The following ATP8A1 variants were observed in gnomAD, a reference collection of about 807,000 sequenced individuals.
ATP8A1 encodes the protein ATPase phospholipid transporting 8A1, also known as phospholipid-transporting ATPase IA.
In ATP8A1, 90 loss-of-function variants were observed where a neutral mutation model predicts 177.7. The observed-to-expected ratio is 0.51, with a 90% CI of 0.43 to 0.60. The LOEUF is 0.60. Ranked by LOEUF, ATP8A1 falls within the 20% of genes least tolerant of loss-of-function variation. ATP8A1 has a pLI of 0.00. For missense variants in ATP8A1, 1,072 were observed against 1,392.8 expected (o/e 0.77, Z 3.67); for synonymous variants, 493 against 485.9 (o/e 1.01, Z -0.19).
intron 5 of ATP8A1, among the ~76,000 whole-genome samples, chr4:42,606,567 A>T (rs560245952): frequency 1.3e-5 from 2 of 152,142 alleles, no homozygotes; most frequent in African/African-American, 4.8e-5. Context: ...ATTATAAATC[A>T]CCAGCTAGTC....
chr4:42,489,316 T>C (rs927193385), intron 24 of ATP8A1, among the ~76,000 whole-genome samples: 2 of 152,078 alleles, frequency 1.3e-5, no homozygotes, highest in Non-Finnish European at 2.9e-5. Context: ...TGAACCAACA[T>C]AGGGTATGCA....
chr4:42,564,918 A>G (rs1470299321), intron 15 of ATP8A1, among the ~76,000 whole-genome samples: 2 of 152,130 alleles, frequency 1.3e-5, no homozygotes, highest in African/African-American at 2.4e-5. Flanking sequence ...GAGGTAATTG[A>G]ATCATGGGGA....
At chr4:42,514,528 CAT>C (rs908698111) in intron 22 of ATP8A1, among the ~76,000 whole-genome samples, 4 of 152,140 alleles carry the variant, frequency 2.6e-5, no homozygotes, top group Non-Finnish European at 5.9e-5. Context: ...GAATACAGTA[CAT>C]AGAGTACATA....
intron 9 of ATP8A1, 103 bp downstream of exon 9, chr4:42,586,246 A>G (rs1733601909): frequency 7.2e-7 from 1 of 1,390,680 alleles, no homozygotes. Context: ...TGAGGACTCA[A>G]ACTTAGCACA....
At chr4:42,452,466 C>T (rs1718031096) in intron 29 of ATP8A1, among the ~76,000 whole-genome samples, 1 of 152,114 alleles carries the variant, frequency 6.6e-6, no homozygotes, top group South Asian at 2.1e-4. Context: ...TAACTGTAAG[C>T]TTTCCAATGC....
rs549689467 is a variant in ATP8A1, at chr4:42,414,631, C to T, written c.3393G>A (p.Leu1131=). 17 of 1,613,250 alleles carry T rather than the reference C, an allele frequency of 1.1e-5. No homozygotes were observed. The South Asian group carries it at 1.3e-4, about 13-fold the overall frequency. ...LYRSESLQQN[L]LHGYAFSQDE... ...ATAAGAAACTCAAATACTCACGGAG[C>T]AGATTTTGTTGCAAGGATTCAGAGC... The change falls in exon 36 of 37, where the codon CTG becomes CTA. Residue 1131 remains leucine, a synonymous_variant. Coordinates refer to ENST00000381668, the MANE Select transcript of ATP8A1 (RefSeq NM_006095.2).
intron 24 of ATP8A1, among the ~76,000 whole-genome samples, chr4:42,501,326 T>C (rs546877096): frequency 1.3e-5 from 2 of 152,380 alleles, no homozygotes; most frequent in African/African-American, 4.8e-5. Context: ...GTGCTAACTA[T>C]GCTAATCCTA....
At chr4:42,510,330 A>G (rs776011296) in intron 22 of ATP8A1, among the ~76,000 whole-genome samples, 9 of 152,224 alleles carry the variant, frequency 5.9e-5, no homozygotes, top group Non-Finnish European at 1.2e-4. Flanking sequence ...AAGAAGTTCA[A>G]GCAAGGAAAG....
chr4:42,460,302 A>G (rs140110255), intron 27 of ATP8A1, among the ~76,000 whole-genome samples: 7 of 152,178 alleles, frequency 4.6e-5, no homozygotes, highest in Admixed American at 2.0e-4. Flanking sequence ...GAAAGTGTCA[A>G]CGTACTGACT....
chr4:42,568,882 G>C (rs181614651), intron 15 of ATP8A1, among the ~76,000 whole-genome samples: 2 of 152,120 alleles, frequency 1.3e-5, no homozygotes, highest in Admixed American at 6.6e-5. Flanking sequence ...GTAGTCCAAA[G>C]CCCACACTCT....
In ATP8A1 at chr4:42,408,876, A is replaced by G. The variant is rs1712272992; in HGVS notation, c.*4040T>C. The G allele has an allele frequency of 6.6e-6, 1 of 152,190 alleles. No homozygotes were observed. The highest frequency in any genetic ancestry group is 6.5e-5 in the Admixed American group (1 of 15,274). The allele number at this position is 152,190 out of a possible 1,614,324, so 9.4% of individuals were successfully genotyped here. On this transcript the variant is annotated 3_prime_UTR_variant, in exon 37 of 37. Coordinates refer to ENST00000381668, the MANE Select transcript of ATP8A1 (RefSeq NM_006095.2). ...TCTGCTCACATCTTTGCAAGAACAG[A>G]TTTACCTGTGGAAAGTTGCTGTTAA...
rs149878433 is a variant in ATP8A1 at position 42,549,030 on chromosome 4, A to G, written c.1635T>C (p.Asn545=). ...TGTTTTACCTGGTAAACTCCAAGAC[A>G]TTGAGCAATTCATATCTTTCTTCCT... ...LGQEERYELL[N]VLEFTSARKR... is the part of the protein sequence containing the mutation. The change falls in exon 19 of 37, where the codon AAT becomes AAC. Residue 545 remains asparagine, a synonymous_variant. Transcript: ENST00000381668. 14 of 1,612,204 alleles carry G rather than the reference A, an allele frequency of 8.7e-6. No individual in the cohort carries two copies. In the African/African-American group the frequency reaches 1.7e-4, roughly 20 times the overall value.
chr4:42,566,544 C>T (rs1560467201), intron 15 of ATP8A1, among the ~76,000 whole-genome samples: 1 of 152,194 alleles, frequency 6.6e-6, no homozygotes, highest in African/African-American at 2.4e-5. Context: ...TGCCCTCATG[C>T]TAACTTTACA....
At chr4:42,606,512 C>T (rs1002860918) in intron 5 of ATP8A1, among the ~76,000 whole-genome samples, 5 of 92,348 alleles carry the variant, frequency 5.4e-5, no homozygotes, top group South Asian at 3.7e-4. Context: ...AGTAGAGAAG[C>T]TAGTCTTGGG....
chr4:42,504,102 A>T (rs1724125258), intron 23 of ATP8A1, among the ~76,000 whole-genome samples: 1 of 152,236 alleles, frequency 6.6e-6, no homozygotes. Context: ...CTGATGTCAC[A>T]TTTTAAAAAT....
chr4:42,512,440 C>A (rs957561165), intron 22 of ATP8A1, among the ~76,000 whole-genome samples: 1 of 152,190 alleles, frequency 6.6e-6, no homozygotes, highest in Non-Finnish European at 1.5e-5. Context: ...TACAAGCACA[C>A]ATGCATGCCT....
intron 18 of ATP8A1, 132 bp from the exon 19 acceptor site, chr4:42,549,194 G>A (rs978217278): frequency 3.0e-6 from 2 of 667,562 alleles, no homozygotes; most frequent in South Asian, 2.1e-5. Context: ...AAATATGGAA[G>A]GGAGCTTACT....
intron 29 of ATP8A1, 127 bp from the exon 30 acceptor site, chr4:42,452,186 T>C (rs772827151): frequency 3.5e-6 from 2 of 568,968 alleles, no homozygotes; most frequent in Admixed American, 3.0e-5. Flanking sequence ...TGTGAATTAA[T>C]AGAACTGACA....
intron 22 of ATP8A1, among the ~76,000 whole-genome samples, chr4:42,510,372 C>A (rs369873497): frequency 6.6e-6 from 1 of 152,182 alleles, no homozygotes; most frequent in Admixed American, 6.5e-5. Context: ...GATGCCAGCA[C>A]CACAACTGTT....
Sources: allele counts gnomAD v4.1 joint callset (sites outside exome capture counted in the v4.1 genomes callset), GRCh38; gene constraint gnomAD v4.1.1; transcripts MANE v1.5; gene names NCBI Gene and HGNC (gene_info 2026-07-23, HGNC 2026-07-21).